Variants in SEC14L6 observed in about 807,000 individuals in gnomAD.
SEC14L6 encodes SEC14-like protein 6.
A neutral mutation model predicts 54.1 loss-of-function variants in SEC14L6; 40 were observed. The ratio of observed to expected loss-of-function variants is 0.74; its 90% CI spans 0.57 to 0.96. The LOEUF (loss-of-function observed/expected upper bound fraction) is 0.96. Ranked by LOEUF, SEC14L6 falls within the 40% of genes least tolerant of loss-of-function variation. The pLI is 0.00. For missense variants in SEC14L6, 471 were observed against 498.3 expected (o/e 0.95, Z 0.52); for synonymous variants, 171 against 198.4 (o/e 0.86, Z 1.16).
chr22:30,533,932 T>C, intron 3 of SEC14L6, 64 bp downstream of exon 3: 2 of 1,394,510 alleles, frequency 1.4e-6, no homozygotes, highest in Non-Finnish European at 9.9e-7. Context: ...AATGAATAAA[T>C]TTGTGCCTCA....
At chr22:30,542,873 ACATGGACTTTTCCATCTGCAT>A in intron 1 of SEC14L6, 3 of 1,599,852 alleles carry the variant, frequency 1.9e-6, no homozygotes, top group Non-Finnish European at 2.6e-6. Context: ...AAGAGAACCA[ACATGGACTTTTCCATCTGCAT>A]CAGTAACATC....
At chr22:30,545,711 C>T (rs1601907011) in intron 1 of SEC14L6, among the ~76,000 whole-genome samples, 1 of 152,214 alleles carries the variant, frequency 6.6e-6, no homozygotes, top group East Asian at 1.9e-4. Context: ...TAGGCCCGAG[C>T]TACTGCACCA....
intron 1 of SEC14L6, among the ~76,000 whole-genome samples, chr22:30,540,715 CAA>C (rs60313942): frequency 2.2e-5 from 3 of 135,042 alleles, no homozygotes; most frequent in Admixed American, 7.5e-5. Flanking sequence ...GACCCTGTCT[CAA>C]AAAAAAAAAA....
At chr22:30,533,894 CATGA>C in intron 3 of SEC14L6, 98 bp downstream of exon 3, 6 of 1,142,224 alleles carry the variant, frequency 5.3e-6, no homozygotes, top group Admixed American at 2.1e-5. Flanking sequence ...ATGGGTGTTC[CATGA>C]ATGAATGAAT....
intron 1 of SEC14L6, among the ~76,000 whole-genome samples, chr22:30,545,719 C>G (rs915267456): frequency 6.6e-6 from 1 of 152,218 alleles, no homozygotes; most frequent in Non-Finnish European, 1.5e-5. Flanking sequence ...AGCTACTGCA[C>G]CAGACCAGTT....
rs1937007382 is a variant in SEC14L6 at position 30,532,368 on chromosome 22, TTGGG to T, written c.423+153_423+156del. The stretch of plus-strand genomic sequence containing the variant: ...CAGTTCAGCCACATACTGTGTGGCC[TTGGG>T]TGGGTCCTTGGCCTCTCTGAACCTG... On this transcript the variant is annotated intron_variant, in intron 5 of 11. Coordinates refer to ENST00000402034, the MANE Select transcript of SEC14L6 (RefSeq NM_001193336.4). The T allele has an allele frequency of 3.4e-6, 3 of 885,952 alleles. No homozygotes were observed. The South Asian group carries it at 1.5e-4, about 46-fold the overall frequency. The allele number at this position is 885,952 out of a possible 1,614,324, so 54.9% of individuals were successfully genotyped here. A position where few individuals can be genotyped will look rare whatever the true frequency, so the allele number is the denominator to read the frequency against.
chr22:30,542,141 G>C (rs1010425392), intron 1 of SEC14L6, among the ~76,000 whole-genome samples: 3 of 152,130 alleles, frequency 2.0e-5, no homozygotes, highest in African/African-American at 7.2e-5. Flanking sequence ...CTCCCCATCC[G>C]TCTCGCGACC....
chr22:30,540,094 C>T (rs1400324686), intron 1 of SEC14L6, among the ~76,000 whole-genome samples: 2 of 152,182 alleles, frequency 1.3e-5, no homozygotes, highest in Non-Finnish European at 2.9e-5. Context: ...TTCCTTGGCC[C>T]CCCACCAAAA....
intron 1 of SEC14L6, chr22:30,543,274 C>A: frequency 5.0e-6 from 8 of 1,586,510 alleles, no homozygotes; most frequent in Non-Finnish European, 6.9e-6. Context: ...CGTCACCTTG[C>A]GGGGGGACTC....
Position 30,531,980 on chromosome 22 carries a change from T to C in SEC14L6, c.442A>G (p.Lys148Glu). ...TCGAGACCAAAAATAGCTATGATTT[T>C]CTCCACCCTCTTCCCCAGCTGCAAG... The part of the protein sequence containing the change: ...QSQKLGKRVE[K>E]IIAIFGLEGL... Residue 148 changes from lysine to glutamate, a missense_variant, in exon 6 of 12, where the codon AAA becomes GAA. Lys to Glu is a moderately conservative substitution (Grantham distance 56). Transcript: ENST00000402034. The C allele has an allele frequency of 6.4e-7, 1 of 1,550,730 alleles. No individual in the cohort carries two copies. The highest frequency in any genetic ancestry group is 8.7e-7 in the Non-Finnish European group (1 of 1,146,966).
At chr22:30,538,091 G>T (rs938008095) in intron 2 of SEC14L6, among the ~76,000 whole-genome samples, 2 of 152,152 alleles carry the variant, frequency 1.3e-5, no homozygotes, top group Non-Finnish European at 2.9e-5. Flanking sequence ...TGTAATCCCA[G>T]CACTTTGGGA....
At chr22:30,539,789 A>G (rs184784111) in intron 1 of SEC14L6, among the ~76,000 whole-genome samples, 33 of 152,298 alleles carry the variant, frequency 2.2e-4, no homozygotes, top group Non-Finnish European at 4.3e-4. Context: ...ATGTAAAGAC[A>G]TGGTTTGGCA....
intron 6 of SEC14L6, among the ~76,000 whole-genome samples, chr22:30,530,765 G>A (rs1936942241): frequency 6.6e-6 from 1 of 152,256 alleles, no homozygotes; most frequent in Non-Finnish European, 1.5e-5. Context: ...GAAAGGAACA[G>A]GTAGGCTGGC....
chr22:30,534,423 T>G (rs1937080737), intron 2 of SEC14L6, among the ~76,000 whole-genome samples: 1 of 151,996 alleles, frequency 6.6e-6, no homozygotes, highest in Non-Finnish European at 1.5e-5. Flanking sequence ...AATTTTTTTT[T>G]TTTTTTGAGA....
chr22:30,532,337 G>T, intron 5 of SEC14L6, 188 bp downstream of exon 5: 1 of 958,306 alleles, frequency 1.0e-6, no homozygotes, highest in Non-Finnish European at 1.2e-6. Flanking sequence ...GGGGAGAAAT[G>T]ATTCCCAGTT....
chr22:30,525,595 T>C lies in SEC14L6; in HGVS notation c.911+16A>G, dbSNP rs1936744430. The C allele has an allele frequency of 2.5e-6, 4 of 1,609,220 alleles. No individual in the cohort carries two copies. Among genetic ancestry groups the C allele is most frequent in the African/African-American group, 1.3e-5 (1 of 74,600 alleles). Reference sequence around the variant, plus strand: ...CTCCCAGATGTGCCCAGGTGTAGAGTGGCTGCCATCCCTACCTGAGCACAC... The same window carrying C: ...CTCCCAGATGTGCCCAGGTGTAGAGCGGCTGCCATCCCTACCTGAGCACAC... On this transcript the variant is annotated intron_variant, in intron 10 of 11. Transcript: ENST00000402034.
intron 11 of SEC14L6, 44 bp from the exon 12 acceptor site, chr22:30,525,153 ACT>A (rs1460024831): frequency 1.5e-6 from 2 of 1,311,600 alleles, no homozygotes; most frequent in East Asian, 5.0e-5. Flanking sequence ...CCCACCTGGG[ACT>A]CTGACTTCCA....
rs1241455258 is a variant in SEC14L6, at chr22:30,531,960, A to T, written c.462T>A (p.Gly154=). The T allele has an allele frequency of 1.3e-6, 2 of 1,550,860 alleles. No individual in the cohort carries two copies. Among genetic ancestry groups the T allele is most frequent in the South Asian group, 2.4e-5 (2 of 84,060 alleles). Residue 154 remains glycine, a synonymous_variant, in exon 6 of 12, where the codon GGT becomes GGA. Coordinates refer to ENST00000402034, the MANE Select transcript of SEC14L6 (RefSeq NM_001193336.4). ...GATCCCTCAGGCCCAGCCCTTCGAG[A>T]CCAAAAATAGCTATGATTTTCTCCA... The part of the protein sequence containing the change: ...KRVEKIIAIF[G]LEGLGLRDLW...
intron 1 of SEC14L6, chr22:30,543,457 G>A: frequency 6.2e-7 from 1 of 1,612,178 alleles, no homozygotes; most frequent in South Asian, 1.1e-5. Context: ...GTCCCGGACA[G>A]AAACGGCCTC....
Sources: gnomAD v4.1 joint callset for allele counts (sites outside exome capture counted in the v4.1 genomes callset) on GRCh38, gnomAD v4.1.1 for gene constraint, MANE v1.5 for transcripts, NCBI Gene and HGNC (gene_info 2026-07-23, HGNC 2026-07-21) for gene names.